HIVEP3: variants seen among roughly 807,000 people sequenced by gnomAD.
HIVEP3 encodes HIVEP zinc finger 3.
Under a neutral mutation model 152.8 loss-of-function variants are expected in HIVEP3, and 49 were observed. The ratio of observed to expected loss-of-function variants is 0.32; its 90% CI spans 0.26 to 0.41. HIVEP3 has a LOEUF of 0.41. Ranked by LOEUF, HIVEP3 falls within the 10% of genes least tolerant of loss-of-function variation. The pLI, the probability that HIVEP3 is intolerant of heterozygous loss-of-function variation, is 1.00. For missense variants in HIVEP3, 2,790 were observed against 3,103.3 expected, an observed-to-expected ratio of 0.90 and a Z score of 2.40; for synonymous variants, 1,269 against 1,289.0, an observed-to-expected ratio of 0.98 and a Z score of 0.33.
intron 2 of HIVEP3, among the ~76,000 whole-genome samples, chr1:41,690,784 G>T (rs899850311): frequency 2.6e-5 from 4 of 152,198 alleles, no homozygotes; most frequent in Non-Finnish European, 5.9e-5. Context: ...CAGGCATGGT[G>T]GTGGGCACCT....
intron 1 of HIVEP3, among the ~76,000 whole-genome samples, chr1:41,946,153 A>T (rs959136772): frequency 2.0e-5 from 3 of 152,190 alleles, no homozygotes; most frequent in African/African-American, 7.2e-5. Flanking sequence ...GTCTACAAGG[A>T]CGCTTTAGAA....
intron 1 of HIVEP3, among the ~76,000 whole-genome samples, chr1:41,770,081 G>A (rs1648253055): frequency 6.6e-6 from 1 of 152,068 alleles, no homozygotes. Context: ...CCATTCTCCT[G>A]CCTCAGCCTC....
At chr1:42,031,109 C>A (rs1300740932) in intron 1 of HIVEP3, among the ~76,000 whole-genome samples, 4 of 152,146 alleles carry the variant, frequency 2.6e-5, no homozygotes, top group Non-Finnish European at 5.9e-5. Flanking sequence ...AACAAAATAG[C>A]CTTTGAAAAA....
intron 1 of HIVEP3, among the ~76,000 whole-genome samples, chr1:41,765,888 G>A (rs1232914096): frequency 2.6e-5 from 4 of 152,176 alleles, no homozygotes; most frequent in Non-Finnish European, 5.9e-5. Flanking sequence ...CTCTCTTTGC[G>A]GGGAGCACCC....
intron 3 of HIVEP3, among the ~76,000 whole-genome samples, chr1:41,610,647 G>A (rs1196819430): frequency 6.6e-6 from 1 of 152,188 alleles, no homozygotes; most frequent in Non-Finnish European, 1.5e-5. Flanking sequence ...GGTGAGGAGA[G>A]GACCCCACAG....
rs868413740 is a variant in HIVEP3 at position 41,800,818 on chromosome 1, C to T, written c.-800-99823G>A. Among the ~76,000 whole-genome samples, 54 of 152,118 alleles carry T rather than the reference C, an allele frequency of 3.5e-4. 1 individual carries two copies. The highest frequency in any genetic ancestry group is 3.4e-3 in the Admixed American group (52 of 15,266). On this transcript the variant is annotated intron_variant, in intron 1 of 8. Transcript: ENST00000372583. The stretch of plus-strand genomic sequence containing the variant: ...AGAAATGCAAGTGATCAGATGCCTC[C>T]CACATAGAGATGGGCTAGGATATGC...
At chr1:41,980,738 C>G (rs550469804) in intron 1 of HIVEP3, among the ~76,000 whole-genome samples, 1 of 152,254 alleles carries the variant, frequency 6.6e-6, no homozygotes, top group African/African-American at 2.4e-5. Flanking sequence ...GTGAATGGAA[C>G]CGTCTGAGGG....
At chr1:41,524,195 T>C (rs1642837303) in intron 6 of HIVEP3, among the ~76,000 whole-genome samples, 1 of 152,038 alleles carries the variant, frequency 6.6e-6, no homozygotes, top group South Asian at 2.1e-4. Flanking sequence ...GGGCTGGCCC[T>C]GTGCTGAGAG....
At chr1:41,810,058 C>T (rs1011981156) in intron 1 of HIVEP3, among the ~76,000 whole-genome samples, 1 of 152,128 alleles carries the variant, frequency 6.6e-6, no homozygotes, top group African/African-American at 2.4e-5. Flanking sequence ...TGGCATAAAA[C>T]TTAATCAGGC....
chr1:41,541,061 G>A (rs777015110), intron 5 of HIVEP3, among the ~76,000 whole-genome samples: 3 of 152,170 alleles, frequency 2.0e-5, no homozygotes, highest in Admixed American at 6.5e-5. Context: ...TGATTAGGAC[G>A]CTGCGAGTGC....
chr1:41,654,571 T>C (rs954931125), intron 2 of HIVEP3, among the ~76,000 whole-genome samples: 1 of 152,216 alleles, frequency 6.6e-6, no homozygotes, highest in Non-Finnish European at 1.5e-5. Context: ...GTGAACATCT[T>C]ACATAACAAG....
chr1:41,998,450 T>C (rs1645407652), intron 1 of HIVEP3, among the ~76,000 whole-genome samples: 1 of 152,212 alleles, frequency 6.6e-6, no homozygotes, highest in Non-Finnish European at 1.5e-5. Flanking sequence ...CATGTCATGA[T>C]GTCATACTTT....
chr1:41,931,135 A>G (rs1644994004), intron 1 of HIVEP3, among the ~76,000 whole-genome samples: 2 of 152,032 alleles, frequency 1.3e-5, no homozygotes, highest in Admixed American at 6.5e-5. Context: ...CAATTCATTA[A>G]TGTTTCTTTT....
intron 1 of HIVEP3, among the ~76,000 whole-genome samples, chr1:41,765,720 CT>C (rs1484534269): frequency 6.6e-6 from 1 of 152,216 alleles, no homozygotes; most frequent in African/African-American, 2.4e-5. Flanking sequence ...TCCCAATCCC[CT>C]GGTACAACAC....
chr1:41,986,290 C>T (rs1645322095), intron 1 of HIVEP3, among the ~76,000 whole-genome samples: 1 of 152,154 alleles, frequency 6.6e-6, no homozygotes, highest in Non-Finnish European at 1.5e-5. Flanking sequence ...GTTTTTCTTG[C>T]ACAAGATGTA....
At chr1:41,979,796 T>C (rs149313155) in intron 1 of HIVEP3, among the ~76,000 whole-genome samples, 1 of 152,344 alleles carries the variant, frequency 6.6e-6, no homozygotes, top group East Asian at 1.9e-4. Flanking sequence ...CTATAGATAT[T>C]TGGGAAAATT....
chr1:41,796,785 C>T (rs1313636625), intron 1 of HIVEP3, among the ~76,000 whole-genome samples: 2 of 152,294 alleles, frequency 1.3e-5, no homozygotes, highest in African/African-American at 4.8e-5. Context: ...ATAGCATATA[C>T]CATCCTTCTC....
At chr1:41,561,138 TC>T (rs1644054292) in intron 5 of HIVEP3, among the ~76,000 whole-genome samples, 1 of 152,168 alleles carries the variant, frequency 6.6e-6, no homozygotes, top group African/African-American at 2.4e-5. Flanking sequence ...CACATTCACA[TC>T]TGGACAAGCC....
intron 1 of HIVEP3, among the ~76,000 whole-genome samples, chr1:41,858,596 A>G (rs1360777293): frequency 6.6e-6 from 1 of 152,148 alleles, no homozygotes; most frequent in Non-Finnish European, 1.5e-5. Flanking sequence ...CACCTACCCT[A>G]TGCTGGGTAC....
Sources: gnomAD v4.1 joint callset for allele counts (sites outside exome capture counted in the v4.1 genomes callset) on GRCh38, gnomAD v4.1.1 for gene constraint, MANE v1.5 for transcripts, NCBI Gene and HGNC (gene_info 2026-07-23, HGNC 2026-07-21) for gene names.